The following NLGN2 variants were observed in gnomAD, a reference collection of about 807,000 sequenced individuals.
NLGN2 encodes the protein neuroligin-2.
A neutral mutation model predicts 48.6 loss-of-function variants in NLGN2; 11 were observed. The observed-to-expected ratio is 0.23, with a 90% CI of 0.14 to 0.37. The LOEUF is 0.37. Ranked by LOEUF, NLGN2 falls within the 10% of genes least tolerant of loss-of-function variation. The pLI is 1.00. For synonymous variants in NLGN2, 548 were observed against 550.0 expected, an observed-to-expected ratio of 1.00 and a Z score of 0.05; for missense variants, 801 against 1,225.2, an observed-to-expected ratio of 0.65 and a Z score of 5.17.
In NLGN2 at chr17:7,413,751, G is replaced by A. The variant is rs1435017548; in HGVS notation, c.509-593G>A. Among the ~76,000 whole-genome samples the A allele has an allele frequency of 6.6e-6, 1 of 152,090 alleles. No individual in the cohort carries two copies. The highest frequency in any genetic ancestry group is 1.5e-5 in the Non-Finnish European group (1 of 67,986). Reference sequence around the variant, plus strand: ...CCTCCTGCCACAGTAATTAGGCTGGGGGTTGCCATGGTGACTGGGGAGGTG... The same window carrying A: ...CCTCCTGCCACAGTAATTAGGCTGGAGGTTGCCATGGTGACTGGGGAGGTG... On this transcript the variant is annotated intron_variant, in intron 2 of 6. Transcript: ENST00000302926. The surrounding 1 kb of genome is among the most constrained non-coding windows in gnomAD (Gnocchi z 4.9).
Position 7,408,496 on chromosome 17 carries a change from G to A in NLGN2, c.241G>A (p.Ala81Thr), listed in dbSNP as rs1196951569. 4.7e-6 allele frequency: 7 copies of A among 1,487,382 alleles called. No individual in the cohort carries two copies. Among genetic ancestry groups the A allele is most frequent in the South Asian group, 1.3e-5 (1 of 77,590 alleles). The allele number at this position is 1,487,382 out of a possible 1,614,324, so 92.1% of individuals were successfully genotyped here. A position where few individuals can be genotyped will look rare whatever the true frequency, so the allele number is the denominator to read the frequency against. The stretch of plus-strand genomic sequence containing the variant: ...GCCCTACGCCACGCCGCCCCTGGGC[G>A]CCCGCCGCTTCCAGCCGCCTGAGGC... The part of the protein sequence containing the change: ...GVPYATPPLG[A>T]RRFQPPEAPA... The change falls in exon 1 of 7, where the codon GCC becomes ACC. Residue 81 changes from alanine to threonine, a missense_variant. Coordinates refer to ENST00000302926, the MANE Select transcript of NLGN2 (RefSeq NM_020795.4). This position sits in a 1 kb window ranked among gnomAD's most constrained non-coding sequence, Gnocchi z 7.5.
At position 7,408,348 on chromosome 17, in the gene NLGN2, G is replaced by T; in HGVS notation, c.93G>T (p.Leu31=). 1 of 1,479,250 alleles carries T rather than the reference G, an allele frequency of 6.8e-7. No individual in the cohort carries two copies. The highest frequency in any genetic ancestry group is 8.9e-7 in the Non-Finnish European group (1 of 1,117,742). 91.6% of individuals were successfully genotyped at this position (1,479,250 alleles called of 1,614,324 possible). A position where few individuals can be genotyped will look rare whatever the true frequency, so the allele number is the denominator to read the frequency against. ...GCGGCGCCCCGGGCGGCCCCGGCCT[G>T]GGCCTCGGCAGCCTCGGCGAGGAGC... The part of the protein sequence containing the change: ...PGGGAPGGPG[L]GLGSLGEERF... The change falls in exon 1 of 7, where the codon CTG becomes CTT. Residue 31 remains leucine (L), a synonymous_variant. Transcript: ENST00000302926. The surrounding 1 kb of genome is among the most constrained non-coding windows in gnomAD (Gnocchi z 7.5).
rs946331445 is a variant in NLGN2 at position 7,408,014 on chromosome 17, C to G, written c.-242C>G. On this transcript the variant is annotated 5_prime_UTR_variant, in exon 1 of 7. Transcript: ENST00000302926. This position sits in a 1 kb window ranked among gnomAD's most constrained non-coding sequence, Gnocchi z 7.5. The stretch of plus-strand genomic sequence containing the variant: ...CCCTCTCGCTCCACCCCCCGCAGGT[C>G]GGGCCTGCCTTCACCTTCTCCCATT... 6.8e-5 allele frequency: 24 copies of G among 354,604 alleles called. No homozygotes were observed. The highest frequency in any genetic ancestry group is 1.2e-4 in the Non-Finnish European group (24 of 198,616). 22.0% of individuals were successfully genotyped at this position (354,604 alleles called of 1,614,324 possible).
chr17:7,410,450 T>C (rs1047945819), intron 1 of NLGN2, among the ~76,000 whole-genome samples: 1 of 151,936 alleles, frequency 6.6e-6, no homozygotes, highest in Admixed American at 6.6e-5. Context: ...ACAGAAGAGC[T>C]GTGCACACCA....
rs758458536 is a variant in NLGN2 at position 7,417,205 on chromosome 17, G to A, written c.1914G>A (p.Pro638=). The A allele has an allele frequency of 1.4e-4, 214 of 1,559,422 alleles. 1 individual carries two copies. In the Middle Eastern group the frequency reaches 1.4e-3, roughly 10 times the overall value. The part of the protein sequence containing the change: ...RWPPRPPAGA[P]GTRRPPPPAT... ...CGCCTCGTCCCCCCGCTGGCGCCCC[G>A]GGCACACGCCGGCCCCCGCCGCCTG... The change falls in exon 7 of 7, where the codon CCG becomes CCA. Residue 638 remains proline (P), a synonymous_variant. Transcript: ENST00000302926.
At chr17:7,406,590 C>A (rs1270250510), upstream of NLGN2, among the ~76,000 whole-genome samples, 1 of 134,286 alleles carries the variant, frequency 7.4e-6, no homozygotes, top group Non-Finnish European at 1.5e-5. Context: ...GAGCCACCCG[C>A]GGGCTGGCGC....
At chr17:7,416,258 T>C (rs1907097988) in intron 6 of NLGN2, 151 bp downstream of exon 6, 1 of 680,612 alleles carries the variant, frequency 1.5e-6, no homozygotes, top group African/African-American at 1.8e-5. Flanking sequence ...AGTTGAGCGT[T>C]GGAGACTCAG....
intron 2 of NLGN2, 138 bp from the exon 3 acceptor site, chr17:7,414,206 C>A: frequency 1.3e-6 from 1 of 747,008 alleles, no homozygotes; most frequent in Non-Finnish European, 2.3e-6. Flanking sequence ...GGTCTTGCCC[C>A]CCAGGGATGG....
At chr17:7,407,687 C>T (rs1597706108), upstream of NLGN2, among the ~76,000 whole-genome samples, 1 of 152,072 alleles carries the variant, frequency 6.6e-6, no homozygotes, top group African/African-American at 2.4e-5. Context: ...TGGAAGGGAG[C>T]ATGCTGGGTC....
In NLGN2 at chr17:7,415,523, C is replaced by A. The variant is rs776461973; in HGVS notation, c.1050C>A (p.Ala350=). Residue 350 remains alanine (A), a synonymous_variant, in exon 6 of 7, where the codon GCC becomes GCA. Transcript: ENST00000302926. ...QDVQPARYHI[A]FGPVVDGDVV... ...CCCTTCTCCCCAGCTACCACATCGC[C>A]TTTGGGCCCGTGGTGGATGGCGACG... 2.5e-6 allele frequency: 4 copies of A among 1,614,144 alleles called. No homozygotes were observed. Among genetic ancestry groups the A allele is most frequent in the African/African-American group, 1.3e-5 (1 of 74,956 alleles).
Position 7,412,179 on chromosome 17 carries a change from C to G in NLGN2, c.480C>G (p.Asp160Glu). Residue 160 changes from aspartate (D) to glutamate (E), a missense_variant, in exon 2 of 7, where the codon GAC (aspartate) becomes GAG (glutamate). Transcript: ENST00000302926. ...TAGGTCCGCTCACAAAAAAACGTGA[C>G]GAGGCGACGCTCAATCCGCCAGACA... ...TEDGPLTKKR[D>E]EATLNPPDTD... 3 of 1,601,912 alleles carry G rather than the reference C, an allele frequency of 1.9e-6. No homozygotes were observed. The highest frequency in any genetic ancestry group is 2.6e-6 in the Non-Finnish European group (3 of 1,173,100).
chr17:7,412,228 G>C, intron 2 of NLGN2, 21 bp downstream of exon 2: 1 of 1,606,514 alleles, frequency 6.2e-7, no homozygotes, highest in Non-Finnish European at 8.5e-7. Context: ...AAATCCCGCT[G>C]CTGCATGTGG....
chr17:7,413,466 C>T lies in NLGN2; in HGVS notation c.509-878C>T, dbSNP rs965407640. ...GGTGACCCCAGCCCTAGCACTATGG[C>T]TGAATCATGGGGAGCTGCAGGGGAG... is the stretch of plus-strand genomic sequence containing the variant. On this transcript the variant is annotated intron_variant, in intron 2 of 6. Transcript: ENST00000302926. The surrounding 1 kb of genome is among the most constrained non-coding windows in gnomAD (Gnocchi z 4.9). Among the ~76,000 whole-genome samples, 7 of 152,138 alleles carry T rather than the reference C, an allele frequency of 4.6e-5. No homozygotes were observed. The highest frequency in any genetic ancestry group is 2.6e-4 in the Admixed American group (4 of 15,276).
At position 7,411,123 on chromosome 17, in the gene NLGN2, G is replaced by A. The variant is rs558128351; in HGVS notation, c.458-1034G>A. On this transcript the variant is annotated intron_variant, in intron 1 of 6. Transcript: ENST00000302926. The surrounding 1 kb of genome is among the most constrained non-coding windows in gnomAD (Gnocchi z 4.5). ...TCTGGAAGAAGCCCTGACACTGGGC[G>A]AACCTGGTGCTCCCGGTACCTGCTG... Among the ~76,000 whole-genome samples the A allele has an allele frequency of 2.6e-5, 4 of 152,374 alleles. No individual in the cohort carries two copies. Among genetic ancestry groups the A allele is most frequent in the African/African-American group, 9.6e-5 (4 of 41,582 alleles).
In NLGN2 at chr17:7,418,942, G is replaced by A. The variant is rs1907269489; in HGVS notation, c.*1143G>A. 6.6e-6 allele frequency: 1 copy of A among 152,578 alleles called. No individual in the cohort carries two copies. Among genetic ancestry groups the A allele is most frequent in the Admixed American group, 6.5e-5 (1 of 15,274 alleles). The allele number at this position is 152,578 out of a possible 1,614,324, so 9.5% of individuals were successfully genotyped here. On this transcript the variant is annotated 3_prime_UTR_variant, in exon 7 of 7. Coordinates refer to ENST00000302926, the MANE Select transcript of NLGN2 (RefSeq NM_020795.4). ...GAATTTCCCAGTCCCAGGCAGGGCA[G>A]GGGAAACTAAGGGCAAGCAGGATAC... is the stretch of plus-strand genomic sequence containing the variant.
intron 1 of NLGN2, among the ~76,000 whole-genome samples, chr17:7,409,639 A>G (rs937820058): frequency 7.9e-5 from 12 of 152,036 alleles, no homozygotes; most frequent in African/African-American, 2.7e-4. Flanking sequence ...ATCCGCTGCC[A>G]CCACGCTTCC....
rs1907198692 is a variant in NLGN2, at chr17:7,417,779, C to G, written c.2488C>G (p.His830Asp). ...TSHNNTLPHP[H>D]STTRV ...CCACAACAACACGCTACCCCACCCC[C>G]ACTCCACCACTCGGGTATAGGGGGT... Residue 830 changes from histidine to aspartate, a missense_variant, in exon 7 of 7, where the codon CAC becomes GAC. His to Asp is a moderately conservative substitution (Grantham distance 81). This residue lies in a region of NLGN2 where 276 missense variants were observed against 313.9 expected (regional missense o/e 0.88). Coordinates refer to ENST00000302926, the MANE Select transcript of NLGN2 (RefSeq NM_020795.4). 2 of 1,388,766 alleles carry G rather than the reference C, an allele frequency of 1.4e-6. No individual in the cohort carries two copies. Among genetic ancestry groups the G allele is most frequent in the Non-Finnish European group, 1.9e-6 (2 of 1,074,474 alleles). The allele number at this position is 1,388,766 out of a possible 1,614,324, so 86.0% of individuals were successfully genotyped here. A position where few individuals can be genotyped will look rare whatever the true frequency, so the allele number is the denominator to read the frequency against.
rs1907053420 is a variant in NLGN2, at chr17:7,415,165, G to A, written c.1037+17G>A. On this transcript the variant is annotated intron_variant, in intron 5 of 6. Coordinates refer to ENST00000302926, the MANE Select transcript of NLGN2 (RefSeq NM_020795.4). ...GCCTGCCCGGTATGGGGTGGGAGAG[G>A]GCTGGGTCCAGGCCTTCAAGGTTCC... The A allele has an allele frequency of 6.3e-7, 1 of 1,578,598 alleles. No homozygotes were observed. The highest frequency in any genetic ancestry group is 1.3e-5 in the African/African-American group (1 of 74,640).
In NLGN2 at chr17:7,411,785, C is replaced by T. The variant is rs1008360583; in HGVS notation, c.458-372C>T. Reference sequence around the variant, plus strand: ...GGGCTTCCCCTCCCCTCCCACCCCACCTCTAACACTGTTTCATTTCCAGCA... The same window carrying T: ...GGGCTTCCCCTCCCCTCCCACCCCATCTCTAACACTGTTTCATTTCCAGCA... On this transcript the variant is annotated intron_variant, in intron 1 of 6. Transcript: ENST00000302926. This position sits in a 1 kb window ranked among gnomAD's most constrained non-coding sequence, Gnocchi z 4.5. Among the ~76,000 whole-genome samples, 1 of 151,726 alleles carries T rather than the reference C, an allele frequency of 6.6e-6. No homozygotes were observed. Among genetic ancestry groups the T allele is most frequent in the Non-Finnish European group, 1.5e-5 (1 of 67,890 alleles).
Sources: allele counts gnomAD v4.1 joint callset (sites outside exome capture counted in the v4.1 genomes callset), GRCh38; gene constraint gnomAD v4.1.1; regional missense constraint gnomAD v4.1.1; non-coding constraint Gnocchi (gnomAD v3.1); transcripts MANE v1.5; gene names NCBI Gene and HGNC (gene_info 2026-07-23, HGNC 2026-07-21).